The following ADCK5 variants were observed in gnomAD, a reference collection of about 807,000 sequenced individuals.
ADCK5 encodes the protein uncharacterized aarF domain-containing protein kinase 5.
Under a neutral mutation model 64.9 loss-of-function variants are expected in ADCK5, and 43 were observed. The ratio of observed to expected loss-of-function variants is 0.66; its 90% CI spans 0.52 to 0.85. The LOEUF (loss-of-function observed/expected upper bound fraction) is 0.85, where lower values mean the gene tolerates loss of function less well. Among genes scored for constraint, ADCK5 ranks in the 40% least tolerant of loss-of-function variants. The pLI, the probability that ADCK5 is intolerant of heterozygous loss-of-function variation, is 0.00. For synonymous variants in ADCK5, 434 were observed against 342.8 expected (o/e 1.27, Z -2.94); for missense variants, 760 against 810.5 (o/e 0.94, Z 0.76).
chr8:144,380,966 A>G (rs200048227), intron 2 of ADCK5, among the ~76,000 whole-genome samples: 3 of 133,654 alleles, frequency 2.2e-5, no homozygotes, highest in Non-Finnish European at 4.8e-5. Flanking sequence ...GTGCTCAGGC[A>G]CCTGCCCCAC....
rs1484749951 is a variant in ADCK5, at chr8:144,393,023, C to T, written c.1692C>T (p.His564=). ...LTALLARALV[H]LSLVPPAEEL... The stretch of plus-strand genomic sequence containing the variant: ...CCCTCCTGGCTCGTGCTCTGGTCCA[C>T]CTGAGCCTCGTGCCCCCAGCGGAGG... Residue 564 remains histidine, a synonymous_variant, in exon 15 of 15, where the codon CAC becomes CAT. Transcript: ENST00000308860. 4.4e-6 allele frequency: 7 copies of T among 1,591,686 alleles called. No homozygotes were observed. The highest frequency in any genetic ancestry group is 6.0e-6 in the Non-Finnish European group (7 of 1,172,822).
At chr8:144,383,316 C>T in intron 3 of ADCK5, 86 bp downstream of exon 3, 1 of 1,442,064 alleles carries the variant, frequency 6.9e-7, no homozygotes, top group South Asian at 1.5e-5. Context: ...GATGCCTTCA[C>T]AGACGAGGGG....
At chr8:144,389,890 G>A (rs546552079) in intron 3 of ADCK5, among the ~76,000 whole-genome samples, 8 of 150,532 alleles carry the variant, frequency 5.3e-5, no homozygotes, top group Admixed American at 2.7e-4. Flanking sequence ...GTGCAATGGC[G>A]CGATCTTGGC....
In ADCK5 at chr8:144,392,552, G is replaced by A. The variant is rs2130737268; in HGVS notation, c.1375G>A (p.Ala459Thr). 2 of 1,565,112 alleles carry A rather than the reference G, an allele frequency of 1.3e-6. No individual in the cohort carries two copies. The highest frequency in any genetic ancestry group is 2.4e-5 in the East Asian group (1 of 42,396). Reference sequence around the variant, plus strand: ...AGAGGCGGCCTACATGGTGGACATGGCCCGCGAGCGCTTCGAGGCCGTCAT... The same window carrying A: ...AGAGGCGGCCTACATGGTGGACATGACCCGCGAGCGCTTCGAGGCCGTCAT... ...REEAAYMVDM[A>T]RERFEAVMAV... Residue 459 changes from alanine (A) to threonine (T), a missense_variant, in exon 13 of 15, where the codon GCC (alanine) becomes ACC (threonine). This residue lies in a region of ADCK5 where 333 missense variants were observed against 292.0 expected (regional missense o/e 1.14). Transcript: ENST00000308860.
At chr8:144,375,666 GC>G in intron 1 of ADCK5, 1 of 985,244 alleles carries the variant, frequency 1.0e-6, no homozygotes, top group South Asian at 4.7e-5. Flanking sequence ...AATACTTGCC[GC>G]TTTCAAGGTA....
chr8:144,379,142 A>G (rs940308055), intron 1 of ADCK5, among the ~76,000 whole-genome samples: 1 of 152,048 alleles, frequency 6.6e-6, no homozygotes, highest in Non-Finnish European at 1.5e-5. Flanking sequence ...CATGTTGATC[A>G]GGCTGGTCTC....
rs781886405 is a variant in ADCK5 at position 144,374,123 on chromosome 8, G to A, written c.12+16G>A. On this transcript the variant is annotated intron_variant, in intron 1 of 14. Coordinates refer to ENST00000308860, the MANE Select transcript of ADCK5 (RefSeq NM_174922.5). ...GTGGCGACCGGTGAGGACTCTCCCGGCCCGGGGCGCCCGAGATCCTGCACA... is the reference window on the plus strand; with the variant it reads ...GTGGCGACCGGTGAGGACTCTCCCGACCCGGGGCGCCCGAGATCCTGCACA... 5.6e-6 allele frequency: 7 copies of A among 1,248,268 alleles called. No homozygotes were observed. The highest frequency in any genetic ancestry group is 1.5e-5 in the African/African-American group (1 of 64,530). 77.3% of individuals were successfully genotyped at this position (1,248,268 alleles called of 1,614,324 possible).
rs1820423041 is a variant in ADCK5 at position 144,393,235 on chromosome 8, G to A, written c.*161G>A. 2 of 1,410,336 alleles carry A rather than the reference G, an allele frequency of 1.4e-6. No individual in the cohort carries two copies. Among genetic ancestry groups the A allele is most frequent in the Admixed American group, 2.6e-5 (1 of 38,676 alleles). 87.4% of individuals were successfully genotyped at this position (1,410,336 alleles called of 1,614,324 possible). On this transcript the variant is annotated 3_prime_UTR_variant, in exon 15 of 15. Transcript: ENST00000308860. Reference sequence around the variant, plus strand: ...TGTAATGACCACACACTCCTCTCAAGCAAAAAATGTTTTTCCTTGTGTTTT... The same window carrying A: ...TGTAATGACCACACACTCCTCTCAAACAAAAAATGTTTTTCCTTGTGTTTT...
At chr8:144,375,052 C>A (rs1425194524) in intron 1 of ADCK5, among the ~76,000 whole-genome samples, 2 of 152,254 alleles carry the variant, frequency 1.3e-5, no homozygotes, top group African/African-American at 4.8e-5. Flanking sequence ...CACAGATGGA[C>A]GGCCCACTCG....
chr8:144,390,667 G>C lies in ADCK5; in HGVS notation c.267-4G>C, dbSNP rs782715520. ...CTGGAGACTGAGGCCACCTCTGCCC[G>C]CAGGTCTCTGAAGGTCGGCCTGCAG... On this transcript the variant is annotated splice_polypyrimidine_tract_variant and splice_region_variant and intron_variant, in intron 3 of 14. Transcript: ENST00000308860. 1.2e-6 allele frequency: 2 copies of C among 1,612,950 alleles called. No individual in the cohort carries two copies. Among genetic ancestry groups the C allele is most frequent in the East Asian group, 2.2e-5 (1 of 44,882 alleles).
intron 3 of ADCK5, among the ~76,000 whole-genome samples, chr8:144,389,827 G>C (rs1350468001): frequency 1.3e-5 from 2 of 149,954 alleles, no homozygotes; most frequent in African/African-American, 4.9e-5. Flanking sequence ...ACCAAGCCCA[G>C]CCTCTTTTTT....
At chr8:144,377,071 A>C (rs1183190314) in intron 1 of ADCK5, among the ~76,000 whole-genome samples, 3 of 152,246 alleles carry the variant, frequency 2.0e-5, no homozygotes, top group Non-Finnish European at 2.9e-5. Flanking sequence ...TCCAGTGTTG[A>C]GGACCATGTT....
chr8:144,392,997 G>A lies in ADCK5; in HGVS notation c.1666G>A (p.Ala556Thr), dbSNP rs1042549844. ...GGAGACCTTGGCCATGCGGCTGACC[G>A]CCCTCCTGGCTCGTGCTCTGGTCCA... is the stretch of plus-strand genomic sequence containing the variant. ...RLETLAMRLT[A>T]LLARALVHLS... The change falls in exon 15 of 15, where the codon GCC (alanine) becomes ACC (threonine). Residue 556 changes from alanine (A) to threonine (T), a missense_variant. Around this residue, in one of 2 missense-constraint regions of ADCK5, gnomAD observed 333 missense variants for 292.0 expected, o/e 1.14. Transcript: ENST00000308860. 5 of 1,588,904 alleles carry A rather than the reference G, an allele frequency of 3.1e-6. No individual in the cohort carries two copies. The highest frequency in any genetic ancestry group is 4.6e-5 in the East Asian group (2 of 43,946).
chr8:144,388,435 C>A (rs564188785), intron 3 of ADCK5, among the ~76,000 whole-genome samples: 1 of 151,834 alleles, frequency 6.6e-6, no homozygotes, highest in East Asian at 1.9e-4. Flanking sequence ...AGTTTTGTTA[C>A]AAAAGTGTTG....
In ADCK5 at chr8:144,391,431, T is replaced by C; in HGVS notation, c.755T>C (p.Val252Ala). 1 of 1,612,672 alleles carries C rather than the reference T, an allele frequency of 6.2e-7. No homozygotes were observed. The highest frequency in any genetic ancestry group is 1.7e-4 in the Middle Eastern group (1 of 6,060). ...ACCCTGGAGCTCCTGCTGCGGCTCG[T>C]TGAGGTCATGCACCCCAGCTTTGGC... ...IHTLELLLRL[V>A]EVMHPSFGFS... Residue 252 changes from valine (V) to alanine (A), a missense_variant, in exon 7 of 15, where the codon GTT (valine) becomes GCT (alanine). Transcript: ENST00000308860.
chr8:144,391,426 G>A lies in ADCK5; in HGVS notation c.750G>A (p.Arg250=), dbSNP rs781964347. 1 of 1,612,778 alleles carries A rather than the reference G, an allele frequency of 6.2e-7. No homozygotes were observed. Residue 250 remains arginine, a synonymous_variant, in exon 7 of 15, where the codon CGG becomes CGA. Coordinates refer to ENST00000308860, the MANE Select transcript of ADCK5 (RefSeq NM_174922.5). ...GDIHTLELLL[R]LVEVMHPSFG... ...TCCACACCCTGGAGCTCCTGCTGCG[G>A]CTCGTTGAGGTCATGCACCCCAGCT...
Position 144,387,078 on chromosome 8 carries a change from A to G in ADCK5, c.267-3593A>G, listed in dbSNP as rs147908797. On this transcript the variant is annotated intron_variant, in intron 3 of 14. Transcript: ENST00000308860. Reference sequence around the variant, plus strand: ...AATAAAGCTTTATTGGAACACAGCCATGCCCATGCATTGCCTGTGACCACT... The same window carrying G: ...AATAAAGCTTTATTGGAACACAGCCGTGCCCATGCATTGCCTGTGACCACT... 5.0e-3 allele frequency among the ~76,000 whole-genome samples: 757 copies of G among 152,372 alleles called. 11 individuals are homozygous for G. Among genetic ancestry groups the G allele is most frequent in the African/African-American group, 0.018 (733 of 41,590 alleles).
At position 144,376,706 on chromosome 8, in the gene ADCK5, C is replaced by T. The variant is rs564842395; in HGVS notation, c.12+2599C>T. 3.3e-5 allele frequency among the ~76,000 whole-genome samples: 5 copies of T among 152,162 alleles called. No homozygotes were observed. The highest frequency in any genetic ancestry group is 4.8e-5 in the African/African-American group (2 of 41,528). ...GAGGTAGCTCCCTTGCAGCCACTTA[C>T]GAGCTGCTGTTCAGAGTCTCTCCAC... On this transcript the variant is annotated intron_variant, in intron 1 of 14. Transcript: ENST00000308860. The surrounding 1 kb of genome is among the most constrained non-coding windows in gnomAD (Gnocchi z 5.1).
At position 144,376,157 on chromosome 8, in the gene ADCK5, G is replaced by C. The variant is rs1554857133; in HGVS notation, c.12+2050G>C. 6.6e-6 allele frequency among the ~76,000 whole-genome samples: 1 copy of C among 152,198 alleles called. No homozygotes were observed. Among genetic ancestry groups the C allele is most frequent in the African/African-American group, 2.4e-5 (1 of 41,456 alleles). ...GCTCTTGCTCAGCCTCATGGGCCCT[G>C]GCAGGCACTGTGGGTTATCAGTGCC... is the stretch of plus-strand genomic sequence containing the variant. On this transcript the variant is annotated intron_variant, in intron 1 of 14. Transcript: ENST00000308860. The surrounding 1 kb of genome is among the most constrained non-coding windows in gnomAD (Gnocchi z 5.1).
Sources: gnomAD v4.1 joint callset for allele counts (sites outside exome capture counted in the v4.1 genomes callset) on GRCh38, gnomAD v4.1.1 for gene constraint, gnomAD v4.1.1 regional missense constraint, Gnocchi (gnomAD v3.1) non-coding constraint, MANE v1.5 for transcripts, NCBI Gene and HGNC (gene_info 2026-07-23, HGNC 2026-07-21) for gene names.